Variants in SLC7A8 observed in about 807,000 individuals in gnomAD.
SLC7A8 encodes the protein large neutral amino acids transporter small subunit 2.
A neutral mutation model predicts 51.2 loss-of-function variants in SLC7A8; 30 were observed. The ratio of observed to expected loss-of-function variants is 0.59; its 90% CI spans 0.44 to 0.80. The LOEUF (loss-of-function observed/expected upper bound fraction) is 0.80. Ranked by LOEUF, SLC7A8 falls within the 30% of genes least tolerant of loss-of-function variation. SLC7A8 has a pLI of 0.00. For synonymous variants in SLC7A8, 257 were observed against 275.8 expected, an observed-to-expected ratio of 0.93 and a Z score of 0.67; for missense variants, 612 against 674.4, an observed-to-expected ratio of 0.91 and a Z score of 1.03.
intron 3 of SLC7A8, among the ~76,000 whole-genome samples, chr14:23,153,205 TG>T (rs2048862455): frequency 6.6e-6 from 1 of 152,166 alleles, no homozygotes; most frequent in South Asian, 2.1e-4. Context: ...TTCCCAGTCC[TG>T]GGCTTGAGCG....
In SLC7A8 at chr14:23,140,452, C is replaced by A. The variant is rs761319625; in HGVS notation, c.788+19G>T. 6.3e-7 allele frequency: 1 copy of A among 1,588,226 alleles called. No individual in the cohort carries two copies. The highest frequency in any genetic ancestry group is 1.1e-5 in the South Asian group (1 of 89,790). On this transcript the variant is annotated intron_variant, in intron 5 of 10. Transcript: ENST00000316902. Reference sequence around the variant, plus strand: ...TGGCCCTTCAAGGGAGAGGGAATAGCCAGGCTCTTTCAACTCACTTGTAGG... The same window carrying A: ...TGGCCCTTCAAGGGAGAGGGAATAGACAGGCTCTTTCAACTCACTTGTAGG...
intron 2 of SLC7A8, 117 bp downstream of exon 2, chr14:23,166,219 C>A: frequency 9.5e-7 from 1 of 1,051,074 alleles, no homozygotes; most frequent in Non-Finnish European, 1.4e-6. Flanking sequence ...TTCACTAGCA[C>A]CCCGTGGCAC....
chr14:23,127,471 G>A, intron 10 of SLC7A8, 128 bp from the exon 11 acceptor site: 1 of 1,074,918 alleles, frequency 9.3e-7, no homozygotes, highest in Non-Finnish European at 1.3e-6. Flanking sequence ...GTGCGTTGAA[G>A]AGAATCCTCG....
intron 1 of SLC7A8, among the ~76,000 whole-genome samples, chr14:23,176,780 A>G (rs1319616330): frequency 6.6e-6 from 1 of 151,942 alleles, no homozygotes; most frequent in African/African-American, 2.4e-5. Flanking sequence ...TGTCTTCACT[A>G]AAAATACAAA....
chr14:23,160,588 A>AC (rs2048916294), intron 3 of SLC7A8, among the ~76,000 whole-genome samples: 1 of 149,010 alleles, frequency 6.7e-6, no homozygotes, highest in Admixed American at 6.7e-5. Flanking sequence ...AAAAAAAAAA[A>AC]GGGCACGCTG....
At chr14:23,162,754 T>C (rs2048930532) in intron 3 of SLC7A8, among the ~76,000 whole-genome samples, 1 of 152,158 alleles carries the variant, frequency 6.6e-6, no homozygotes, top group South Asian at 2.1e-4. Context: ...TTGGAGGGTC[T>C]TTGTGCAAGA....
chr14:23,134,982 G>T (rs1427396069), intron 7 of SLC7A8, among the ~76,000 whole-genome samples: 2 of 152,148 alleles, frequency 1.3e-5, no homozygotes, highest in Non-Finnish European at 1.5e-5. Flanking sequence ...GCCCAGGCTG[G>T]TCTGGAACTA....
At chr14:23,133,597 T>G (rs2048661262) in intron 7 of SLC7A8, among the ~76,000 whole-genome samples, 4 of 151,952 alleles carry the variant, frequency 2.6e-5, no homozygotes, top group Admixed American at 1.3e-4. Context: ...GAGGCTGAGG[T>G]GGGTGAATCA....
intron 4 of SLC7A8, among the ~76,000 whole-genome samples, chr14:23,140,906 T>C (rs868862872): frequency 2.6e-5 from 4 of 152,304 alleles, no homozygotes; most frequent in African/African-American, 4.8e-5. Context: ...GGAAAGGACA[T>C]GGTAAATTGG....
chr14:23,164,770 T>C (rs532104895), intron 3 of SLC7A8, among the ~76,000 whole-genome samples: 1 of 152,136 alleles, frequency 6.6e-6, no homozygotes, highest in Admixed American at 6.5e-5. Context: ...GGCGGGCGGA[T>C]CACTTGAGGT....
At chr14:23,161,056 C>T (rs1317192812) in intron 3 of SLC7A8, among the ~76,000 whole-genome samples, 4 of 151,906 alleles carry the variant, frequency 2.6e-5, no homozygotes, top group Non-Finnish European at 5.9e-5. Context: ...TAGAATAACT[C>T]GAAGTGGCAG....
At chr14:23,163,712 G>A (rs1341712104) in intron 3 of SLC7A8, among the ~76,000 whole-genome samples, 1 of 152,194 alleles carries the variant, frequency 6.6e-6, no homozygotes, top group Non-Finnish European at 1.5e-5. Context: ...GAAGCTATGG[G>A]AAGGCAGGGA....
chr14:23,137,227 C>G (rs114002882), intron 7 of SLC7A8, among the ~76,000 whole-genome samples: 1 of 152,192 alleles, frequency 6.6e-6, no homozygotes, highest in Non-Finnish European at 1.5e-5. Context: ...TGGACCCGCT[C>G]GCACTTCTGG....
At chr14:23,140,021 CA>C (rs1436807507) in intron 5 of SLC7A8, among the ~76,000 whole-genome samples, 2 of 151,898 alleles carry the variant, frequency 1.3e-5, no homozygotes, top group East Asian at 1.9e-4. Context: ...CAAAACAAAA[CA>C]AAAGAAAAAA....
intron 6 of SLC7A8, among the ~76,000 whole-genome samples, chr14:23,138,573 G>A (rs934120624): frequency 2.0e-5 from 3 of 152,148 alleles, no homozygotes; most frequent in African/African-American, 7.2e-5. Context: ...ATCACAGGGT[G>A]AGAATTTCTC....
chr14:23,145,197 G>A lies in SLC7A8; in HGVS notation c.509-1993C>T, dbSNP rs373166766. Among the ~76,000 whole-genome samples the A allele has an allele frequency of 4.6e-5, 7 of 150,810 alleles. No homozygotes were observed. The South Asian group carries it at 1.5e-3, about 32-fold the overall frequency. ...CAAAGTGCTGGGATTACAGGCAGGA[G>A]CCACCGCCCGGCCGGGATGCATTTC... On this transcript the variant is annotated intron_variant, in intron 3 of 10. Transcript: ENST00000316902.
At chr14:23,157,357 A>G (rs1476517668) in intron 3 of SLC7A8, among the ~76,000 whole-genome samples, 1 of 152,138 alleles carries the variant, frequency 6.6e-6, no homozygotes, top group African/African-American at 2.4e-5. Flanking sequence ...TTACAACTGA[A>G]TTGTAATCAT....
intron 1 of SLC7A8, among the ~76,000 whole-genome samples, chr14:23,177,319 A>G (rs1876968301): frequency 6.6e-6 from 1 of 152,216 alleles, no homozygotes; most frequent in East Asian, 1.9e-4. Context: ...TCAGCCAATC[A>G]AAGGCAGCCA....
chr14:23,166,931 T>C (rs948703159), intron 1 of SLC7A8, among the ~76,000 whole-genome samples: 1 of 152,154 alleles, frequency 6.6e-6, no homozygotes, highest in Admixed American at 6.5e-5. Context: ...CGACACGTGG[T>C]CCACCCAAAG....
Sources: gnomAD v4.1 joint callset for allele counts (sites outside exome capture counted in the v4.1 genomes callset) on GRCh38, gnomAD v4.1.1 for gene constraint, MANE v1.5 for transcripts, NCBI Gene and HGNC (gene_info 2026-07-23, HGNC 2026-07-21) for gene names.